ANKRD13C: variants seen among roughly 807,000 people sequenced by gnomAD.
The protein encoded by ANKRD13C is ankyrin repeat domain-containing protein 13C.
A neutral mutation model predicts 65.5 loss-of-function variants in ANKRD13C; 16 were observed. The observed-to-expected ratio is 0.24, with a 90% CI of 0.17 to 0.37. The LOEUF (loss-of-function observed/expected upper bound fraction) is 0.37. Ranked by LOEUF, ANKRD13C falls within the 10% of genes least tolerant of loss-of-function variation. The pLI, the probability that ANKRD13C is intolerant of heterozygous loss-of-function variation, is 1.00. For synonymous variants in ANKRD13C, 235 were observed against 238.7 expected (o/e 0.98, Z 0.14); for missense variants, 503 against 655.9 (o/e 0.77, Z 2.55).
chr1:70,305,581 T>C (rs952123901), intron 6 of ANKRD13C: 6 of 152,102 alleles, frequency 3.9e-5, no homozygotes, highest in African/African-American at 1.4e-4. Flanking sequence ...ACTAGCATTA[T>C]ATATACTTTA....
At chr1:70,304,815 C>T (rs1005842333) in intron 6 of ANKRD13C, among the ~76,000 whole-genome samples, 3 of 152,182 alleles carry the variant, frequency 2.0e-5, no homozygotes, top group Admixed American at 1.3e-4. Flanking sequence ...ATAATAATTG[C>T]TAACAAAAGG....
rs551640570 is a variant in ANKRD13C at position 70,323,379 on chromosome 1, T to G, written c.577+1474A>C. ...TTGTTTATAGGCTGAGCACGGTGGC[T>G]CATGCCTGTAATCCTAGCACTTTGG... On this transcript the variant is annotated intron_variant, in intron 3 of 12. Coordinates refer to ENST00000370944, the MANE Select transcript of ANKRD13C (RefSeq NM_030816.5). Among the ~76,000 whole-genome samples the G allele has an allele frequency of 5.3e-4, 80 of 152,244 alleles. 1 individual carries two copies. Among genetic ancestry groups the G allele is most frequent in the Admixed American group, 1.4e-3 (21 of 15,306 alleles).
intron 7 of ANKRD13C, among the ~76,000 whole-genome samples, chr1:70,298,602 C>T (rs1298107013): frequency 2.6e-5 from 4 of 152,144 alleles, no homozygotes; most frequent in Non-Finnish European, 5.9e-5. Context: ...TACTTATGGA[C>T]TACTAGCCTT....
Position 70,316,456 on chromosome 1 carries a change from G to A in ANKRD13C, c.578-890C>T, listed in dbSNP as rs1231162534. Among the ~76,000 whole-genome samples the A allele has an allele frequency of 4.2e-4, 64 of 151,772 alleles. 2 individuals are homozygous for A. Among genetic ancestry groups the A allele is most frequent in the Non-Finnish European group, 4.4e-5 (3 of 67,964 alleles). ...CCAGCTACTCAGGAGGTTAAGGTGA[G>A]AGGATCACTTGAGCTCAGGAGTTCG... On this transcript the variant is annotated intron_variant, in intron 3 of 12. Transcript: ENST00000370944.
chr1:70,281,358 G>T (rs1679378302), intron 9 of ANKRD13C, among the ~76,000 whole-genome samples: 1 of 144,794 alleles, frequency 6.9e-6, no homozygotes, highest in African/African-American at 2.5e-5. Flanking sequence ...TCCTTTTCTA[G>T]AAATCCTTGC....
intron 9 of ANKRD13C, among the ~76,000 whole-genome samples, chr1:70,283,539 G>A (rs930899717): frequency 2.6e-5 from 4 of 151,860 alleles, no homozygotes; most frequent in African/African-American, 7.3e-5. Flanking sequence ...AATCCATGCC[G>A]GGTGCGGTGG....
intron 9 of ANKRD13C, among the ~76,000 whole-genome samples, chr1:70,277,056 A>G (rs1440171130): frequency 6.6e-6 from 1 of 152,104 alleles, no homozygotes; most frequent in Non-Finnish European, 1.5e-5. Context: ...TTAAATCCCA[A>G]AAAGACAAAT....
chr1:70,346,325 T>A (rs1682524645), intron 1 of ANKRD13C, among the ~76,000 whole-genome samples: 1 of 152,144 alleles, frequency 6.6e-6, no homozygotes, highest in Non-Finnish European at 1.5e-5. Context: ...TTTTTAAAAA[T>A]TAAAAATTAA....
Position 70,319,975 on chromosome 1 carries a change from C to T in ANKRD13C, c.578-4409G>A, listed in dbSNP as rs116093086. Among the ~76,000 whole-genome samples, 435 of 152,260 alleles carry T rather than the reference C, an allele frequency of 2.9e-3. 2 individuals are homozygous for T. Among genetic ancestry groups the T allele is most frequent in the African/African-American group, 9.9e-3 (413 of 41,550 alleles). ...CAAATAGACAATTCCTGGCCTCATA[C>T]ACTCTGCCTAAAGGGAATGGGCAGA... is the stretch of plus-strand genomic sequence containing the variant. On this transcript the variant is annotated intron_variant, in intron 3 of 12. Transcript: ENST00000370944.
intron 3 of ANKRD13C, among the ~76,000 whole-genome samples, chr1:70,324,402 T>C (rs920275557): frequency 5.3e-5 from 8 of 152,234 alleles, no homozygotes; most frequent in Admixed American, 5.2e-4. Flanking sequence ...AAATACTCTT[T>C]TAATGACTAA....
intron 4 of ANKRD13C, among the ~76,000 whole-genome samples, chr1:70,314,093 T>C (rs1329328166): frequency 2.0e-5 from 3 of 151,970 alleles, no homozygotes; most frequent in African/African-American, 4.8e-5. Context: ...ACTACCAAAA[T>C]GATTATTTGT....
intron 8 of ANKRD13C, 55 bp downstream of exon 8, chr1:70,296,065 CGTTATTTTGG>C (rs1680069808): frequency 1.3e-6 from 2 of 1,546,836 alleles, no homozygotes; most frequent in Non-Finnish European, 8.7e-7. Flanking sequence ...ATTTCCATCA[CGTTATTTTGG>C]AAATATTAAA....
At chr1:70,328,453 G>A (rs1283830471) in intron 2 of ANKRD13C, among the ~76,000 whole-genome samples, 10 of 152,068 alleles carry the variant, frequency 6.6e-5, no homozygotes, top group East Asian at 1.9e-4. Context: ...ACCTGAGGTC[G>A]GGAGTTCAAG....
At chr1:70,322,188 G>A (rs1681341083) in intron 3 of ANKRD13C, among the ~76,000 whole-genome samples, 1 of 152,062 alleles carries the variant, frequency 6.6e-6, no homozygotes, top group South Asian at 2.1e-4. Flanking sequence ...TGTGGCAGGT[G>A]CCTGTAGTCC....
At chr1:70,267,305 T>TA (rs1472770241) in intron 12 of ANKRD13C, among the ~76,000 whole-genome samples, 1 of 152,184 alleles carries the variant, frequency 6.6e-6, no homozygotes. Flanking sequence ...CTAATCGGCC[T>TA]ATATCATTAT....
chr1:70,303,977 C>T (rs528440544), intron 6 of ANKRD13C, among the ~76,000 whole-genome samples: 6 of 152,250 alleles, frequency 3.9e-5, no homozygotes, highest in African/African-American at 1.2e-4. Flanking sequence ...TTACTAACTT[C>T]CCCTTAACCT....
chr1:70,265,471 T>C (rs1678575281), intron 12 of ANKRD13C, among the ~76,000 whole-genome samples: 1 of 151,980 alleles, frequency 6.6e-6, no homozygotes, highest in East Asian at 1.9e-4. Context: ...TGTAATGAAC[T>C]AAGGAAGTGA....
intron 7 of ANKRD13C, among the ~76,000 whole-genome samples, chr1:70,300,461 G>A (rs1252660893): frequency 3.3e-5 from 5 of 151,996 alleles, no homozygotes; most frequent in African/African-American, 9.7e-5. Flanking sequence ...GGTGGCGGGC[G>A]CCTGTAGTCT....
At position 70,306,280 on chromosome 1, in the gene ANKRD13C, A is replaced by C; in HGVS notation, c.720T>G (p.Leu240=). 6.4e-7 allele frequency: 1 copy of C among 1,574,398 alleles called. No homozygotes were observed. Among genetic ancestry groups the C allele is most frequent in the Non-Finnish European group, 8.6e-7 (1 of 1,157,358 alleles). ...ATGCATCGGAAGGCAGAATTCGGGA[A>C]AGTAAAGGCACTGTATTTTTAAAAA... ...HWDFQSWVPL[L]SRILPSDACK... The change falls in exon 6 of 13, where the codon CTT becomes CTG. Residue 240 remains leucine (L), a synonymous_variant. Transcript: ENST00000370944.
Sources: allele counts gnomAD v4.1 joint callset (sites outside exome capture counted in the v4.1 genomes callset), GRCh38; gene constraint gnomAD v4.1.1; transcripts MANE v1.5; gene names NCBI Gene and HGNC (gene_info 2026-07-23, HGNC 2026-07-21).